Variants in TRIM24 observed in about 807,000 individuals in gnomAD.
The protein encoded by TRIM24 is tripartite motif containing 24.
A neutral mutation model predicts 123.9 loss-of-function variants in TRIM24; 29 were observed. That is an observed-to-expected ratio of 0.23 (90% CI 0.17 to 0.32). TRIM24 has a LOEUF of 0.32. Ranked by LOEUF, TRIM24 falls within the 10% of genes least tolerant of loss-of-function variation. The pLI, the probability that TRIM24 is intolerant of heterozygous loss-of-function variation, is 1.00. For synonymous variants in TRIM24, 456 were observed against 461.1 expected, an observed-to-expected ratio of 0.99 and a Z score of 0.14; for missense variants, 932 against 1,295.3, an observed-to-expected ratio of 0.72 and a Z score of 4.31.
intron 8 of TRIM24, among the ~76,000 whole-genome samples, chr7:138,552,914 C>A (rs1163364994): frequency 1.3e-5 from 2 of 152,204 alleles, no homozygotes; most frequent in Admixed American, 6.5e-5. Context: ...CATCTGAACT[C>A]TGAACCCATC....
At chr7:138,514,991 G>A in intron 2 of TRIM24, 1 of 403,854 alleles carries the variant, frequency 2.5e-6, no homozygotes, top group Non-Finnish European at 4.4e-6. Context: ...TATTTGGGAT[G>A]CTGAATTAAG....
chr7:138,577,294 A>T, intron 13 of TRIM24, 126 bp from the exon 14 acceptor site: 1 of 667,510 alleles, frequency 1.5e-6, no homozygotes, highest in Non-Finnish European at 2.3e-6. Flanking sequence ...ATGCATCATT[A>T]ATTGCTGATG....
intron 1 of TRIM24, among the ~76,000 whole-genome samples, chr7:138,492,496 T>A (rs1795816323): frequency 6.6e-6 from 1 of 152,114 alleles, no homozygotes; most frequent in African/African-American, 2.4e-5. Context: ...GAAGGGGACA[T>A]CCTGCAAAGT....
intron 4 of TRIM24, among the ~76,000 whole-genome samples, chr7:138,523,626 G>T (rs1006783292): frequency 6.6e-6 from 1 of 151,742 alleles, no homozygotes; most frequent in South Asian, 2.1e-4. Context: ...GTGGTGGTGG[G>T]TATAGTCCCA....
At chr7:138,578,261 G>A (rs553921088) in intron 14 of TRIM24, among the ~76,000 whole-genome samples, 1 of 152,078 alleles carries the variant, frequency 6.6e-6, no homozygotes, top group Admixed American at 6.5e-5. Flanking sequence ...TGGGTCTGCA[G>A]TGAACAATAT....
chr7:138,582,119 C>A (rs538412336), intron 17 of TRIM24, among the ~76,000 whole-genome samples: 1 of 152,294 alleles, frequency 6.6e-6, no homozygotes, highest in South Asian at 2.1e-4. Flanking sequence ...CTCCCTGCTA[C>A]ATTTTCCGTA....
At chr7:138,466,665 T>C (rs1215218292) in intron 1 of TRIM24, among the ~76,000 whole-genome samples, 1 of 152,024 alleles carries the variant, frequency 6.6e-6, no homozygotes, top group Non-Finnish European at 1.5e-5. Context: ...GAGTTTGCCT[T>C]TTTATTGAAA....
chr7:138,585,557 C>T lies in TRIM24; in HGVS notation c.*606C>T, dbSNP rs1366093467. The T allele has an allele frequency of 2.8e-6, 1 of 353,542 alleles. No individual in the cohort carries two copies. The highest frequency in any genetic ancestry group is 5.4e-6 in the Non-Finnish European group (1 of 186,508). The allele number at this position is 353,542 out of a possible 1,614,324, so 21.9% of individuals were successfully genotyped here. On this transcript the variant is annotated 3_prime_UTR_variant, in exon 19 of 19. Coordinates refer to ENST00000343526, the MANE Select transcript of TRIM24 (RefSeq NM_015905.3). ...CTTAATAGTACATCATGTAAGATGG[C>T]AACTGTATTAAAGAAAAATCCGGAA... is the stretch of plus-strand genomic sequence containing the variant.
chr7:138,561,385 C>A (rs868090271), intron 9 of TRIM24, among the ~76,000 whole-genome samples: 5 of 152,152 alleles, frequency 3.3e-5, no homozygotes, highest in Non-Finnish European at 4.4e-5. Context: ...AAGGGGGCCT[C>A]CTGGTTCCAA....
rs572137621 is a variant in TRIM24, at chr7:138,531,866, T to C, written c.996+2636T>C. On this transcript the variant is annotated intron_variant, in intron 6 of 18. Coordinates refer to ENST00000343526, the MANE Select transcript of TRIM24 (RefSeq NM_015905.3). ...AAAAGTGTTCCTATTTCTCCACATC[T>C]TCTCCAGCACCTGTTGTTTCCTGAC... Among the ~76,000 whole-genome samples, 619 of 152,244 alleles carry C rather than the reference T, an allele frequency of 4.1e-3. 4 individuals are homozygous for C. Among genetic ancestry groups the C allele is most frequent in the African/African-American group, 0.013 (554 of 41,554 alleles).
At chr7:138,548,931 C>T (rs1797156838) in intron 7 of TRIM24, among the ~76,000 whole-genome samples, 1 of 152,182 alleles carries the variant, frequency 6.6e-6, no homozygotes, top group Non-Finnish European at 1.5e-5. Context: ...TTCTCATCTC[C>T]TATTATAATA....
At chr7:138,469,174 AC>A (rs916820166) in intron 1 of TRIM24, among the ~76,000 whole-genome samples, 66 of 152,214 alleles carry the variant, frequency 4.3e-4, no homozygotes, top group African/African-American at 1.6e-3. Context: ...ATTTCATTGT[AC>A]CTTTTTAAAT....
At chr7:138,492,888 G>A (rs1367421744) in intron 1 of TRIM24, among the ~76,000 whole-genome samples, 1 of 152,032 alleles carries the variant, frequency 6.6e-6, no homozygotes, top group Admixed American at 6.6e-5. Context: ...TTGTTCAATG[G>A]TGTTCCACAG....
At chr7:138,497,454 G>A (rs1338515927) in intron 1 of TRIM24, among the ~76,000 whole-genome samples, 2 of 147,894 alleles carry the variant, frequency 1.4e-5, no homozygotes, top group African/African-American at 5.1e-5. Context: ...AGGCTGGAGG[G>A]CAGTAGCTTG....
At chr7:138,512,261 T>G (rs181045458) in intron 2 of TRIM24, among the ~76,000 whole-genome samples, 1 of 152,262 alleles carries the variant, frequency 6.6e-6, no homozygotes, top group South Asian at 2.1e-4. Context: ...CTGTGACTTT[T>G]CCAGACTAAA....
In TRIM24 at chr7:138,554,724, A is replaced by C; in HGVS notation, c.1288A>C (p.Ser430Arg). 2 of 1,614,144 alleles carry C rather than the reference A, an allele frequency of 1.2e-6. No individual in the cohort carries two copies. The highest frequency in any genetic ancestry group is 1.1e-5 in the South Asian group (1 of 91,080). ...TTCTTTAGTAATCGAGGATAAAGAG[A>C]GCCAGCCACAAATGCCTAAGCAGAA... ...LGSLVIEDKE[S>R]QPQMPKQNPV... The change falls in exon 9 of 19, where the codon AGC becomes CGC. Residue 430 changes from serine (S) to arginine (R), a missense_variant. Physicochemically the swap from Ser to Arg is moderately radical, Grantham distance 110. Coordinates refer to ENST00000343526, the MANE Select transcript of TRIM24 (RefSeq NM_015905.3). The surrounding 1 kb of genome is among the most constrained non-coding windows in gnomAD (Gnocchi z 4.5).
rs1797180312 is a variant in TRIM24 at position 138,550,125 on chromosome 7, C to T, written c.1144-938C>T. On this transcript the variant is annotated intron_variant, in intron 7 of 18. Coordinates refer to ENST00000343526, the MANE Select transcript of TRIM24 (RefSeq NM_015905.3). The stretch of plus-strand genomic sequence containing the variant: ...AGAGAAATGTCATATGTTAGCCAGT[C>T]AGCCTTAATGTTAGCCAGTCAGCAG... 2.0e-5 allele frequency among the ~76,000 whole-genome samples: 3 copies of T among 152,052 alleles called. No individual in the cohort carries two copies. In the South Asian group the frequency reaches 6.2e-4, roughly 31 times the overall value.
At chr7:138,576,251 C>T (rs1474860419) in intron 12 of TRIM24, 122 bp from the exon 13 acceptor site, 1 of 943,826 alleles carries the variant, frequency 1.1e-6, no homozygotes, top group Non-Finnish European at 1.7e-6. Context: ...CAACTACTTA[C>T]TGTTTCATAG....
Position 138,577,475 on chromosome 7 carries a change from G to A in TRIM24, c.2143G>A (p.Val715Ile). The A allele has an allele frequency of 1.2e-6, 2 of 1,608,536 alleles. No homozygotes were observed. The highest frequency in any genetic ancestry group is 1.7e-6 in the Non-Finnish European group (2 of 1,177,712). The change falls in exon 14 of 19, where the codon GTC becomes ATC. Residue 715 changes from valine to isoleucine, a missense_variant. Physicochemically the swap from Val to Ile is conservative, Grantham distance 29. Coordinates refer to ENST00000343526, the MANE Select transcript of TRIM24 (RefSeq NM_015905.3). The part of the protein sequence containing the change: ...GADSTHKVPV[V>I]MLEPIRIKQE... ...TGACTCTACACACAAAGTCCCAGTG[G>A]TCATGCTGGAGCCAATTCGAATAAA...
Sources: gnomAD v4.1 joint callset for allele counts (sites outside exome capture counted in the v4.1 genomes callset) on GRCh38, gnomAD v4.1.1 for gene constraint, Gnocchi (gnomAD v3.1) non-coding constraint, MANE v1.5 for transcripts, NCBI Gene and HGNC (gene_info 2026-07-23, HGNC 2026-07-21) for gene names.